The following GNA13 variants were observed in gnomAD, a reference collection of about 807,000 sequenced individuals.
GNA13 encodes the protein guanine nucleotide-binding protein subunit alpha-13.
A neutral mutation model predicts 33.5 loss-of-function variants in GNA13; 4 were observed. The observed-to-expected ratio is 0.12, with a 90% CI of 0.06 to 0.27. GNA13 has a LOEUF of 0.27. GNA13 is among the 10% of genes least tolerant of loss of function. The probability of loss-of-function intolerance (pLI) is 1.00; values close to 1 mark genes in which losing one functional copy is unlikely to be tolerated. For missense variants in GNA13, 319 were observed against 487.2 expected, an observed-to-expected ratio of 0.65 and a Z score of 3.25; for synonymous variants, 176 against 183.8, an observed-to-expected ratio of 0.96 and a Z score of 0.34.
chr17:65,053,736 T>C lies in GNA13; in HGVS notation c.284-8A>G. 1 of 1,567,914 alleles carries C rather than the reference T, an allele frequency of 6.4e-7. No homozygotes were observed. Among genetic ancestry groups the C allele is most frequent in the East Asian group, 2.2e-5 (1 of 44,590 alleles). On this transcript the variant is annotated splice_region_variant and splice_polypyrimidine_tract_variant and intron_variant, in intron 1 of 3. Coordinates refer to ENST00000439174, the MANE Select transcript of GNA13 (RefSeq NM_006572.6). ...CAACCAGCACCCTCATACCTTTGTT[T>C]AAAAAGAAGAAAAAAAATGTATGGA...
chr17:65,053,597 T>C lies in GNA13; in HGVS notation c.415A>G (p.Thr139Ala), dbSNP rs1907932879. The change falls in exon 2 of 4, where the codon ACA becomes GCA. Residue 139 changes from threonine (T) to alanine (A), a missense_variant. Coordinates refer to ENST00000439174, the MANE Select transcript of GNA13 (RefSeq NM_006572.6). The stretch of plus-strand genomic sequence containing the variant: ...GGAAGATATTGTAAGAAAACCCTTG[T>C]TTCCACCATTCCTTGGGCTGCCATG... The part of the protein sequence containing the change: ...APMAAQGMVE[T>A]RVFLQYLPAI... 1.2e-6 allele frequency: 2 copies of C among 1,613,804 alleles called. No homozygotes were observed. The highest frequency in any genetic ancestry group is 1.7e-6 in the Non-Finnish European group (2 of 1,179,670).
chr17:65,044,613 C>A (rs1450283574), intron 2 of GNA13, among the ~76,000 whole-genome samples: 5 of 147,670 alleles, frequency 3.4e-5, no homozygotes, highest in African/African-American at 1.3e-4. Context: ...CCAGCCTGGG[C>A]AACCCAGCAA....
rs1906144342 is a variant in GNA13, at chr17:65,010,357, T to C, written c.*3900A>G. ...CTTACACTTCAAGATCTAGTATACATTTATTAATAAGCCCTAACCTCGTAC... is the reference window on the plus strand; with the variant it reads ...CTTACACTTCAAGATCTAGTATACACTTATTAATAAGCCCTAACCTCGTAC... On this transcript the variant is annotated 3_prime_UTR_variant, in exon 4 of 4. Coordinates refer to ENST00000439174, the MANE Select transcript of GNA13 (RefSeq NM_006572.6). Among the ~76,000 whole-genome samples the C allele has an allele frequency of 6.6e-6, 1 of 152,096 alleles. No individual in the cohort carries two copies. Among genetic ancestry groups the C allele is most frequent in the South Asian group, 2.1e-4 (1 of 4,826 alleles).
intron 1 of GNA13, 67 bp downstream of exon 1, chr17:65,056,244 G>GCCCCCCCCCCCCCCCCCCCCC: frequency 9.7e-7 from 1 of 1,032,480 alleles, no homozygotes; most frequent in Non-Finnish European, 1.4e-6. Context: ...GCGGTGCCCC[G>GCCCCCCCCCCCCCCCCCCCCC]CCCCGCACCC....
intron 1 of GNA13, among the ~76,000 whole-genome samples, chr17:65,054,032 A>G (rs567559111): frequency 9.2e-5 from 14 of 152,352 alleles, no homozygotes; most frequent in African/African-American, 3.4e-4. Context: ...TCAAAAAACA[A>G]TCTAACTCAA....
At chr17:65,055,833 C>G (rs1908031526) in intron 1 of GNA13, 1 of 841,304 alleles carries the variant, frequency 1.2e-6, no homozygotes, top group East Asian at 1.2e-4. Context: ...GAGTTGGGAG[C>G]GCATGCGACC....
chr17:65,014,909 G>A lies in GNA13; in HGVS notation c.562-80C>T, dbSNP rs1906309385. On this transcript the variant is annotated intron_variant, in intron 3 of 3. Transcript: ENST00000439174. This position sits in a 1 kb window ranked among gnomAD's most constrained non-coding sequence, Gnocchi z 5.3. Reference sequence around the variant, plus strand: ...TTAATGGACTACTAACTGGACTAGTGAATAGATATGCAAACAAAATGATCT... The same window carrying A: ...TTAATGGACTACTAACTGGACTAGTAAATAGATATGCAAACAAAATGATCT... 6 of 738,606 alleles carry A rather than the reference G, an allele frequency of 8.1e-6. No individual in the cohort carries two copies. The highest frequency in any genetic ancestry group is 4.6e-6 in the Non-Finnish European group (2 of 437,774). 45.8% of individuals were successfully genotyped at this position (738,606 alleles called of 1,614,324 possible).
Position 65,013,257 on chromosome 17 carries a change from GCA to G in GNA13, c.*998_*999del, listed in dbSNP as rs1385671510. 2 of 209,028 alleles carry G rather than the reference GCA, an allele frequency of 9.6e-6. No homozygotes were observed. Among genetic ancestry groups the G allele is most frequent in the Non-Finnish European group, 1.9e-5 (2 of 102,706 alleles). The allele number at this position is 209,028 out of a possible 1,614,324, so 12.9% of individuals were successfully genotyped here. A position where few individuals can be genotyped will look rare whatever the true frequency, so the allele number is the denominator to read the frequency against. ...AATAAACAAAACGATGCCACAAATG[GCA>G]CAGTGTGGAGTTGATGGGACTGGAC... On this transcript the variant is annotated 3_prime_UTR_variant, in exon 4 of 4. Coordinates refer to ENST00000439174, the MANE Select transcript of GNA13 (RefSeq NM_006572.6).
intron 2 of GNA13, among the ~76,000 whole-genome samples, chr17:65,041,640 T>C (rs1347427101): frequency 6.6e-6 from 1 of 151,902 alleles, no homozygotes; most frequent in Non-Finnish European, 1.5e-5. Flanking sequence ...AGGGAAAGAG[T>C]ACGTCTGTGT....
chr17:65,034,012 C>CAAAAAAAAAAAA (rs780895691), intron 2 of GNA13, among the ~76,000 whole-genome samples: 1 of 50,088 alleles, frequency 2.0e-5, no homozygotes. Flanking sequence ...GACTCCGTCT[C>CAAAAAAAAAAAA]AAAAAAAAAA....
At chr17:65,054,248 TC>T (rs1209316891) in intron 1 of GNA13, among the ~76,000 whole-genome samples, 2 of 152,202 alleles carry the variant, frequency 1.3e-5, no homozygotes, top group Admixed American at 1.3e-4. Context: ...AAAAACTTCT[TC>T]CAGCCCAAGT....
intron 2 of GNA13, chr17:65,052,085 C>T (rs931368543): frequency 1.3e-5 from 2 of 152,202 alleles, no homozygotes; most frequent in South Asian, 2.1e-4. Context: ...GGTTGTACAT[C>T]GCTTTGCAGC....
chr17:65,024,606 C>A (rs1423127620), intron 2 of GNA13, among the ~76,000 whole-genome samples: 1 of 152,208 alleles, frequency 6.6e-6, no homozygotes, highest in Non-Finnish European at 1.5e-5. Flanking sequence ...GATACTTAAT[C>A]CTGGTAATCT....
At chr17:65,053,345 C>A (rs567868849) in intron 2 of GNA13, 157 bp downstream of exon 2, 6 of 605,452 alleles carry the variant, frequency 9.9e-6, no homozygotes, top group South Asian at 8.0e-5. Flanking sequence ...GAGACTAGGA[C>A]ACATTAGGTC....
rs1315021208 is a variant in GNA13 at position 65,009,834 on chromosome 17, A to G, written c.*4423T>C. 6.6e-6 allele frequency among the ~76,000 whole-genome samples: 1 copy of G among 152,220 alleles called. No individual in the cohort carries two copies. The highest frequency in any genetic ancestry group is 1.5e-5 in the Non-Finnish European group (1 of 68,028). On this transcript the variant is annotated 3_prime_UTR_variant, in exon 4 of 4. Transcript: ENST00000439174. The stretch of plus-strand genomic sequence containing the variant: ...CTCTACCCCTTTCTTTCCTAGTACC[A>G]TCAAACAGGCATGATTAAGGACAAT...
At chr17:65,038,691 T>G (rs959175153) in intron 2 of GNA13, among the ~76,000 whole-genome samples, 1 of 152,308 alleles carries the variant, frequency 6.6e-6, no homozygotes, top group Admixed American at 6.5e-5. Context: ...CCTCCCAATG[T>G]GTTGGGATTA....
At chr17:65,043,191 C>T (rs1328374890) in intron 2 of GNA13, among the ~76,000 whole-genome samples, 1 of 152,166 alleles carries the variant, frequency 6.6e-6, no homozygotes, top group Non-Finnish European at 1.5e-5. Flanking sequence ...TATCCCACAG[C>T]ATGGCACAAA....
At chr17:65,047,632 T>A (rs1189877371) in intron 2 of GNA13, among the ~76,000 whole-genome samples, 2 of 149,952 alleles carry the variant, frequency 1.3e-5, no homozygotes, top group African/African-American at 4.9e-5. Flanking sequence ...CAAATCCAAA[T>A]TAGCATTAAT....
chr17:65,038,546 G>A (rs917807950), intron 2 of GNA13, among the ~76,000 whole-genome samples: 1 of 152,128 alleles, frequency 6.6e-6, no homozygotes, highest in African/African-American at 2.4e-5. Flanking sequence ...GAGTAGCTGG[G>A]ACCACAGGCA....
Sources: allele counts gnomAD v4.1 joint callset (sites outside exome capture counted in the v4.1 genomes callset), GRCh38; gene constraint gnomAD v4.1.1; non-coding constraint Gnocchi (gnomAD v3.1); transcripts MANE v1.5; gene names NCBI Gene and HGNC (gene_info 2026-07-23, HGNC 2026-07-21).